The following TENM2 variants were observed in gnomAD, a reference collection of about 807,000 sequenced individuals.
The protein encoded by TENM2 is teneurin transmembrane protein 2, also known as teneurin-2.
A neutral mutation model predicts 245.2 loss-of-function variants in TENM2; 52 were observed. The ratio of observed to expected loss-of-function variants is 0.21; its 90% CI spans 0.17 to 0.27. TENM2 has a LOEUF of 0.27. TENM2 is among the 10% of genes least tolerant of loss of function. The probability of loss-of-function intolerance (pLI) is 1.00; values close to 1 mark genes in which losing one functional copy is unlikely to be tolerated. For synonymous variants in TENM2, 1,363 were observed against 1,438.9 expected (o/e 0.95, Z 1.19); for missense variants, 3,046 against 3,666.8 (o/e 0.83, Z 4.37).
chr5:167,881,434 T>C (rs2151414350), intron 3 of TENM2, among the ~76,000 whole-genome samples: 1 of 152,340 alleles, frequency 6.6e-6, no homozygotes, highest in South Asian at 2.1e-4. Flanking sequence ...TCCACTGCAG[T>C]TTCTCTGGTG....
chr5:167,220,109 G>C, the TENM2 span, among the ~76,000 whole-genome samples: 1 of 152,120 alleles, frequency 6.6e-6, no homozygotes, highest in African/African-American at 2.4e-5. Context: ...ATAGATATTT[G>C]CTGGCCCTTT....
intron 5 of TENM2, among the ~76,000 whole-genome samples, chr5:168,035,749 C>T (rs978165452): frequency 1.1e-4 from 16 of 152,230 alleles, no homozygotes; most frequent in Admixed American, 4.6e-4. Flanking sequence ...TCTGAGGTTT[C>T]GTCCTAACTA....
At chr5:167,810,256 T>A (rs943505280) in intron 2 of TENM2, among the ~76,000 whole-genome samples, 12 of 152,098 alleles carry the variant, frequency 7.9e-5, no homozygotes, top group African/African-American at 2.4e-4. Flanking sequence ...TCCTTGACTC[T>A]GACACTAATA....
the TENM2 span, among the ~76,000 whole-genome samples, chr5:167,001,525 A>T: frequency 6.6e-6 from 1 of 151,198 alleles, no homozygotes; most frequent in South Asian, 2.1e-4. Flanking sequence ...AGTGTCTGAG[A>T]TCTATCCAAA....
At chr5:167,766,012 T>C (rs2150737099) in intron 2 of TENM2, among the ~76,000 whole-genome samples, 1 of 152,252 alleles carries the variant, frequency 6.6e-6, no homozygotes, top group Admixed American at 6.5e-5. Flanking sequence ...TGCCATAGGA[T>C]TTATCCCTAG....
the TENM2 span, among the ~76,000 whole-genome samples, chr5:167,152,490 A>T: frequency 1.3e-5 from 2 of 152,246 alleles, no homozygotes; most frequent in Admixed American, 1.3e-4. Context: ...GTTTTAAAAT[A>T]GTTCTACAAT....
chr5:167,352,861 C>A (rs184744005), intron 1 of TENM2, among the ~76,000 whole-genome samples: 1 of 152,228 alleles, frequency 6.6e-6, no homozygotes, highest in Admixed American at 6.5e-5. Context: ...TTCAAGTAAG[C>A]TGTCTATCAC....
At chr5:167,405,300 C>T (rs553157391) in intron 2 of TENM2, among the ~76,000 whole-genome samples, 1 of 152,038 alleles carries the variant, frequency 6.6e-6, no homozygotes, top group African/African-American at 2.4e-5. Flanking sequence ...TTGAAGTTTC[C>T]TGCATCTGGG....
chr5:167,440,784 C>T (rs1764834447), intron 2 of TENM2, among the ~76,000 whole-genome samples: 1 of 151,904 alleles, frequency 6.6e-6, no homozygotes. Flanking sequence ...TCTCCTTTTT[C>T]CTTCCTTCTT....
chr5:168,142,540 T>C (rs1755648661), intron 12 of TENM2, among the ~76,000 whole-genome samples: 1 of 152,232 alleles, frequency 6.6e-6, no homozygotes, highest in African/African-American at 2.4e-5. Flanking sequence ...GGTAAAAAGC[T>C]GCAAGCCAAG....
At chr5:167,779,007 TCA>T in intron 2 of TENM2, among the ~76,000 whole-genome samples, 1 of 152,360 alleles carries the variant, frequency 6.6e-6, no homozygotes, top group East Asian at 1.9e-4. Flanking sequence ...CACCCAGAGT[TCA>T]GAGTTTCTTT....
rs140059051 is a variant in TENM2, at chr5:168,110,955, A to G, written c.1814-7337A>G. ...TTAAAAGTCTCTTGCGATCTTCGTT[A>G]ACTTCCCTGGGTTTAATTAAAACAT... On this transcript the variant is annotated intron_variant, in intron 9 of 28. Transcript: ENST00000518659. Among the ~76,000 whole-genome samples, 606 of 152,288 alleles carry G rather than the reference A, an allele frequency of 4.0e-3. 16 individuals are homozygous for G. The highest frequency in any genetic ancestry group is 0.034 in the Admixed American group (527 of 15,296).
At chr5:168,070,892 G>GAAAAGA (rs1373309765) in intron 7 of TENM2, among the ~76,000 whole-genome samples, 3 of 146,206 alleles carry the variant, frequency 2.1e-5, no homozygotes, top group Admixed American at 1.4e-4. Context: ...AGGAAGAAGA[G>GAAAAGA]AAAAGAAAAA....
chr5:167,355,970 G>C (rs375395548), intron 1 of TENM2, among the ~76,000 whole-genome samples: 1 of 150,582 alleles, frequency 6.6e-6, no homozygotes. Context: ...ATCACCTGAG[G>C]TCAGGAGTTC....
chr5:168,132,247 A>C lies in TENM2; in HGVS notation c.2422+5281A>C, dbSNP rs926074556. On this transcript the variant is annotated intron_variant, in intron 12 of 28. Coordinates refer to ENST00000518659, the Ensembl canonical transcript of TENM2. Reference sequence around the variant, plus strand: ...AAATAACGGCTTTACAAGCAGCAAGAGTCTCATCACTGGAAGCATTTGCTT... The same window carrying C: ...AAATAACGGCTTTACAAGCAGCAAGCGTCTCATCACTGGAAGCATTTGCTT... Among the ~76,000 whole-genome samples, 7 of 152,206 alleles carry C rather than the reference A, an allele frequency of 4.6e-5. 1 individual carries two copies. Among genetic ancestry groups the C allele is most frequent in the Non-Finnish European group, 1.0e-4 (7 of 68,032 alleles).
intron 2 of TENM2, among the ~76,000 whole-genome samples, chr5:167,738,717 AC>A (rs1382345807): frequency 6.6e-6 from 1 of 151,630 alleles, no homozygotes; most frequent in Non-Finnish European, 1.5e-5. Flanking sequence ...TTTTCCTGAG[AC>A]CTCTCTCCTT....
At chr5:167,559,227 T>G (rs948810036) in intron 2 of TENM2, among the ~76,000 whole-genome samples, 1 of 152,210 alleles carries the variant, frequency 6.6e-6, no homozygotes, top group Non-Finnish European at 1.5e-5. Flanking sequence ...TTGTATTAAC[T>G]ATGGTCCATC....
intron 12 of TENM2, among the ~76,000 whole-genome samples, chr5:168,145,770 C>G (rs1756008039): frequency 6.7e-6 from 1 of 149,776 alleles, no homozygotes; most frequent in African/African-American, 2.4e-5. Context: ...TTACCTTGGG[C>G]AGTATGGCCA....
Position 168,042,688 on chromosome 5 carries a change from A to G in TENM2, c.1187-4739A>G, listed in dbSNP as rs142980591. 7.5e-4 allele frequency among the ~76,000 whole-genome samples: 114 copies of G among 152,214 alleles called. 1 individual carries two copies. The highest frequency in any genetic ancestry group is 1.4e-3 in the Non-Finnish European group (95 of 68,006). On this transcript the variant is annotated intron_variant, in intron 5 of 28. Transcript: ENST00000518659. ...AACCCACCTGGCACAAAAACACAGC[A>G]ACTTCAATAAGAAAATATCACACCC...
Sources: gnomAD v4.1 joint callset for allele counts (sites outside exome capture counted in the v4.1 genomes callset) on GRCh38, gnomAD v4.1.1 for gene constraint, MANE v1.5 for transcripts, NCBI Gene and HGNC (gene_info 2026-07-23, HGNC 2026-07-21) for gene names.